THSD7B: variants seen among roughly 807,000 people sequenced by gnomAD.
THSD7B encodes thrombospondin type-1 domain-containing protein 7B.
In THSD7B, 138 loss-of-function variants were observed where a neutral mutation model predicts 213.6. The observed-to-expected ratio is 0.65, with a 90% CI of 0.56 to 0.74. THSD7B has a LOEUF of 0.74. Ranked by LOEUF, THSD7B falls within the 30% of genes least tolerant of loss-of-function variation. The pLI, the probability that THSD7B is intolerant of heterozygous loss-of-function variation, is 0.00. For synonymous variants in THSD7B, 742 were observed against 687.0 expected, an observed-to-expected ratio of 1.08 and a Z score of -1.25; for missense variants, 1,931 against 1,991.5, an observed-to-expected ratio of 0.97 and a Z score of 0.58.
At chr2:137,107,359 GAGA>G (rs1324071377) in intron 4 of THSD7B, among the ~76,000 whole-genome samples, 1 of 152,164 alleles carries the variant, frequency 6.6e-6, no homozygotes. Context: ...ACACAGGGAG[GAGA>G]AGGTCACACA....
intron 3 of THSD7B, among the ~76,000 whole-genome samples, chr2:137,080,042 A>G (rs990914206): frequency 1.3e-5 from 2 of 152,078 alleles, no homozygotes; most frequent in East Asian, 1.9e-4. Flanking sequence ...ACGTTTCACC[A>G]TGTTGGCCAG....
chr2:136,801,636 G>A (rs1011996579), intron 1 of THSD7B, among the ~76,000 whole-genome samples: 9 of 152,086 alleles, frequency 5.9e-5, no homozygotes, highest in African/African-American at 9.6e-5. Context: ...GAAAAATGGC[G>A]GTGGAGCAAA....
intron 10 of THSD7B, among the ~76,000 whole-genome samples, chr2:137,264,483 C>T (rs968058819): frequency 6.6e-6 from 1 of 152,060 alleles, no homozygotes; most frequent in Non-Finnish European, 1.5e-5. Context: ...CTCCTGACCT[C>T]GTGATCCGCC....
chr2:137,212,411 A>G (rs1681132728), intron 7 of THSD7B, among the ~76,000 whole-genome samples: 1 of 152,082 alleles, frequency 6.6e-6, no homozygotes, highest in South Asian at 2.1e-4. Flanking sequence ...ACTCTTCAGA[A>G]TATTGACAAG....
At chr2:137,627,765 C>T (rs1682658848) in intron 20 of THSD7B, among the ~76,000 whole-genome samples, 1 of 152,120 alleles carries the variant, frequency 6.6e-6, no homozygotes, top group Non-Finnish European at 1.5e-5. Flanking sequence ...ATAATGAAAA[C>T]ATGGGAATTG....
intron 17 of THSD7B, among the ~76,000 whole-genome samples, chr2:137,583,326 T>G (rs539481535): frequency 2.0e-4 from 31 of 152,244 alleles, no homozygotes; most frequent in Middle Eastern, 6.8e-3. Flanking sequence ...TTGCTGTGCA[T>G]AAGCTCTTTA....
At chr2:137,261,156 C>G (rs1269110737) in intron 10 of THSD7B, among the ~76,000 whole-genome samples, 1 of 151,986 alleles carries the variant, frequency 6.6e-6, no homozygotes, top group Non-Finnish European at 1.5e-5. Flanking sequence ...GAGAGGCTCA[C>G]TGTTCAAAGA....
intron 2 of THSD7B, among the ~76,000 whole-genome samples, chr2:136,900,429 T>G (rs1484889447): frequency 6.6e-6 from 1 of 152,068 alleles, no homozygotes; most frequent in Non-Finnish European, 1.5e-5. Flanking sequence ...CTCTGAACCA[T>G]GGCTTAATTT....
In THSD7B at chr2:137,075,521, A is replaced by T. The variant is rs183762423; in HGVS notation, c.950+18291A>T. Among the ~76,000 whole-genome samples the T allele has an allele frequency of 5.3e-5, 8 of 151,866 alleles. No homozygotes were observed. The East Asian group carries it at 1.2e-3, about 22-fold the overall frequency. ...TTTCAAAGCTTTTAACTTCTTTCCCATTGGTTCGAATTTCCTCCTGTAGCT... is the reference window on the plus strand; with the variant it reads ...TTTCAAAGCTTTTAACTTCTTTCCCTTTGGTTCGAATTTCCTCCTGTAGCT... On this transcript the variant is annotated intron_variant, in intron 3 of 27. Transcript: ENST00000409968.
chr2:137,497,551 T>C (rs1679598594), intron 15 of THSD7B, among the ~76,000 whole-genome samples: 1 of 152,044 alleles, frequency 6.6e-6, no homozygotes, highest in South Asian at 2.1e-4. Flanking sequence ...AAATTAAGAA[T>C]ATATATGTAT....
intron 4 of THSD7B, among the ~76,000 whole-genome samples, chr2:137,097,173 A>G (rs1383127174): frequency 6.7e-6 from 1 of 148,508 alleles, no homozygotes; most frequent in Non-Finnish European, 1.5e-5. Flanking sequence ...GGGATAGCTA[A>G]TATTCTCTAC....
At chr2:137,295,229 G>C (rs1423537827) in intron 12 of THSD7B, among the ~76,000 whole-genome samples, 1 of 151,976 alleles carries the variant, frequency 6.6e-6, no homozygotes, top group Non-Finnish European at 1.5e-5. Flanking sequence ...CATAACAAAT[G>C]GTAAAGAAAA....
intron 17 of THSD7B, among the ~76,000 whole-genome samples, chr2:137,582,386 AC>A (rs200929298): frequency 0.02 from 3,036 of 152,280 alleles, 46 homozygotes; most frequent in Middle Eastern, 0.071. Context: ...CATGTGCACA[AC>A]GTGGAGGTTT....
At chr2:137,210,651 G>A (rs1681082652) in intron 7 of THSD7B, among the ~76,000 whole-genome samples, 1 of 152,018 alleles carries the variant, frequency 6.6e-6, no homozygotes, top group African/African-American at 2.4e-5. Flanking sequence ...TTCGTTTGAT[G>A]TATAGTAATA....
chr2:137,276,946 C>G (rs555951512), intron 12 of THSD7B, among the ~76,000 whole-genome samples: 1 of 152,066 alleles, frequency 6.6e-6, no homozygotes, highest in African/African-American at 2.4e-5. Flanking sequence ...TGGGGATCTA[C>G]AGTGGCTTTG....
chr2:137,245,501 C>G (rs1682008735), intron 10 of THSD7B, among the ~76,000 whole-genome samples: 1 of 152,100 alleles, frequency 6.6e-6, no homozygotes, highest in Admixed American at 6.6e-5. Flanking sequence ...ACCTGCCTTT[C>G]CCCTGGAATG....
chr2:137,202,022 G>T (rs1417990713), intron 7 of THSD7B, among the ~76,000 whole-genome samples: 3 of 152,052 alleles, frequency 2.0e-5, no homozygotes, highest in Non-Finnish European at 4.4e-5. Flanking sequence ...TTCTGGATCT[G>T]GGTCCTTTGC....
intron 15 of THSD7B, among the ~76,000 whole-genome samples, chr2:137,542,173 C>A (rs1326785498): frequency 6.6e-6 from 1 of 151,462 alleles, no homozygotes; most frequent in Non-Finnish European, 1.5e-5. Context: ...ACCGTCAAAG[C>A]CAAACATAAA....
intron 1 of THSD7B, among the ~76,000 whole-genome samples, chr2:136,814,415 T>G (rs576638407): frequency 6.6e-6 from 1 of 152,224 alleles, no homozygotes; most frequent in African/African-American, 2.4e-5. Context: ...TTATTATTTT[T>G]TGAGACAGAG....
Sources: gnomAD v4.1 joint callset for allele counts (sites outside exome capture counted in the v4.1 genomes callset) on GRCh38, gnomAD v4.1.1 for gene constraint, MANE v1.5 for transcripts, NCBI Gene and HGNC (gene_info 2026-07-23, HGNC 2026-07-21) for gene names.